Variants in MARCHF1 observed in about 807,000 individuals in gnomAD.
The protein encoded by MARCHF1 is E3 ubiquitin-protein ligase MARCHF1.
MARCHF1 carries 40 observed loss-of-function variants against 54.2 expected under a neutral mutation model. The ratio of observed to expected loss-of-function variants is 0.74; its 90% confidence interval spans 0.57 to 0.96. The LOEUF is 0.96. Among genes scored for constraint, MARCHF1 ranks in the 40% least tolerant of loss-of-function variants. The pLI, the probability that MARCHF1 is intolerant of heterozygous loss-of-function variation, is 0.00. For synonymous variants in MARCHF1, 236 were observed against 236.3 expected (o/e 1.00, Z 0.01); for missense variants, 586 against 656.5 (o/e 0.89, Z 1.17).
At chr4:164,141,845 A>G (rs556084289) in intron 1 of MARCHF1, among the ~76,000 whole-genome samples, 3 of 152,360 alleles carry the variant, frequency 2.0e-5, no homozygotes, top group South Asian at 2.1e-4. Context: ...GAACAGCTCC[A>G]GTCTACAGCT....
chr4:164,283,391 G>C (rs902552719), intron 1 of MARCHF1, among the ~76,000 whole-genome samples: 2 of 150,808 alleles, frequency 1.3e-5, no homozygotes, highest in African/African-American at 2.4e-5. Flanking sequence ...ATAAGCTGCT[G>C]TAGAGGAATT....
intron 3 of MARCHF1, among the ~76,000 whole-genome samples, chr4:163,925,145 T>A (rs950081025): frequency 2.6e-5 from 4 of 151,872 alleles, no homozygotes; most frequent in African/African-American, 7.2e-5. Flanking sequence ...AACGCTGGCA[T>A]TTTTGAAATT....
intron 4 of MARCHF1, among the ~76,000 whole-genome samples, chr4:163,829,574 C>T (rs551159849): frequency 6.6e-6 from 1 of 152,298 alleles, no homozygotes; most frequent in South Asian, 2.1e-4. Context: ...CAGTATCCCT[C>T]TCCCTGAATT....
chr4:164,263,668 A>G (rs576470091), intron 1 of MARCHF1, among the ~76,000 whole-genome samples: 140 of 147,612 alleles, frequency 9.5e-4, no homozygotes, highest in African/African-American at 3.3e-3. Flanking sequence ...AATCAACCCC[A>G]TTAAAATTGG....
intron 3 of MARCHF1, among the ~76,000 whole-genome samples, chr4:163,978,039 G>A (rs1752683148): frequency 6.6e-6 from 1 of 152,122 alleles, no homozygotes; most frequent in African/African-American, 2.4e-5. Context: ...ATAAAGGTTA[G>A]CATGTATTTC....
chr4:163,695,041 A>T (rs892447952), intron 5 of MARCHF1, among the ~76,000 whole-genome samples: 15 of 152,122 alleles, frequency 9.9e-5, no homozygotes, highest in African/African-American at 3.6e-4. Context: ...TACCCTCTAA[A>T]GGTATATAGT....
chr4:163,691,384 T>C (rs1744451679), intron 5 of MARCHF1, among the ~76,000 whole-genome samples: 1 of 152,182 alleles, frequency 6.6e-6, no homozygotes, highest in African/African-American at 2.4e-5. Flanking sequence ...TTCTGCCACA[T>C]AATGGTGACA....
chr4:163,889,070 G>A lies in MARCHF1; in HGVS notation c.-38-34901C>T, dbSNP rs1181997707. Among the ~76,000 whole-genome samples the A allele has an allele frequency of 3.9e-5, 6 of 152,088 alleles. No individual in the cohort carries two copies. In the East Asian group the frequency reaches 5.8e-4, roughly 15 times the overall value. Reference sequence around the variant, plus strand: ...TGAGCTGGATTTCAATAGCAAACTGGAATTAAATGAGTAGTCAGGGAATGG... The same window carrying A: ...TGAGCTGGATTTCAATAGCAAACTGAAATTAAATGAGTAGTCAGGGAATGG... On this transcript the variant is annotated intron_variant, in intron 3 of 9. Coordinates refer to ENST00000514618, the MANE Select transcript of MARCHF1 (RefSeq NM_001394959.1).
chr4:164,011,391 T>C, intron 2 of MARCHF1, among the ~76,000 whole-genome samples: 1 of 7,310 alleles, frequency 1.4e-4, no homozygotes, highest in South Asian at 0.12. Context: ...TTAATAACCA[T>C]AATATAATGA....
intron 4 of MARCHF1, among the ~76,000 whole-genome samples, chr4:163,842,804 C>G (rs1478480210): frequency 6.6e-6 from 1 of 152,188 alleles, no homozygotes; most frequent in African/African-American, 2.4e-5. Flanking sequence ...TTGTTTGACA[C>G]ATGCTCCTCT....
At chr4:163,693,826 G>C (rs1744537037) in intron 5 of MARCHF1, among the ~76,000 whole-genome samples, 1 of 152,140 alleles carries the variant, frequency 6.6e-6, no homozygotes, top group South Asian at 2.1e-4. Flanking sequence ...AAGAAAGTAG[G>C]GTTGCTGCTA....
At chr4:163,668,179 T>C (rs1243980838) in intron 5 of MARCHF1, among the ~76,000 whole-genome samples, 1 of 152,188 alleles carries the variant, frequency 6.6e-6, no homozygotes, top group Admixed American at 6.5e-5. Context: ...GGGGAAAGTT[T>C]ACTGCAGTTT....
intron 3 of MARCHF1, among the ~76,000 whole-genome samples, chr4:163,980,180 T>C (rs1420215679): frequency 7.1e-6 from 1 of 140,598 alleles, no homozygotes; most frequent in Non-Finnish European, 1.5e-5. Context: ...TATAGATCAA[T>C]GGAACAGAAC....
Position 163,684,447 on chromosome 4 carries a change from G to T in MARCHF1, c.162+16366C>A, listed in dbSNP as rs140356602. 2.0e-5 allele frequency among the ~76,000 whole-genome samples: 3 copies of T among 152,264 alleles called. No homozygotes were observed. In the East Asian group the frequency reaches 5.8e-4, roughly 29 times the overall value. Reference sequence around the variant, plus strand: ...TGCCTCAAAAGAAAGCCAGCATTTGGCTACATGTCACACCAATTCCTCAAC... The same window carrying T: ...TGCCTCAAAAGAAAGCCAGCATTTGTCTACATGTCACACCAATTCCTCAAC... On this transcript the variant is annotated intron_variant, in intron 5 of 9. Coordinates refer to ENST00000514618, the MANE Select transcript of MARCHF1 (RefSeq NM_001394959.1).
chr4:164,013,740 GA>G (rs112550472), intron 2 of MARCHF1, among the ~76,000 whole-genome samples: 74,290 of 148,184 alleles, frequency 0.5, 18,853 homozygotes, highest in Non-Finnish European at 0.57. Context: ...AGTGCTGATG[GA>G]AAAAAAAATC....
chr4:164,235,315 T>C (rs1438635617), intron 1 of MARCHF1, among the ~76,000 whole-genome samples: 1 of 152,138 alleles, frequency 6.6e-6, no homozygotes, highest in Admixed American at 6.6e-5. Context: ...TTCTTTAGAA[T>C]ATTAAATGTT....
At chr4:163,743,004 C>A (rs1350376754) in intron 4 of MARCHF1, among the ~76,000 whole-genome samples, 1 of 152,144 alleles carries the variant, frequency 6.6e-6, no homozygotes, top group Non-Finnish European at 1.5e-5. Context: ...TTTCAATAGT[C>A]GAACTATTGC....
chr4:163,779,151 C>T (rs1747390240), intron 4 of MARCHF1, among the ~76,000 whole-genome samples: 1 of 152,132 alleles, frequency 6.6e-6, no homozygotes, highest in Non-Finnish European at 1.5e-5. Context: ...ATGAACTCAA[C>T]TATGCTGGTG....
chr4:164,264,489 A>G (rs1195691329), intron 1 of MARCHF1, among the ~76,000 whole-genome samples: 1 of 152,174 alleles, frequency 6.6e-6, no homozygotes, highest in Non-Finnish European at 1.5e-5. Flanking sequence ...AAGTTAAAAA[A>G]AAAAAAGAAA....
Sources: allele counts gnomAD v4.1 joint callset (sites outside exome capture counted in the v4.1 genomes callset), GRCh38; gene constraint gnomAD v4.1.1; transcripts MANE v1.5; gene names NCBI Gene and HGNC (gene_info 2026-07-23, HGNC 2026-07-21).